GDPD5: variants seen among roughly 807,000 people sequenced by gnomAD.
The protein encoded by GDPD5 is glycerophosphodiester phosphodiesterase 2.
Under a neutral mutation model 75.1 loss-of-function variants are expected in GDPD5, and 48 were observed. That is an observed-to-expected ratio of 0.64 (90% CI 0.51 to 0.81). The LOEUF (loss-of-function observed/expected upper bound fraction) is 0.81, where lower values mean the gene tolerates loss of function less well. GDPD5 is among the 40% of genes least tolerant of loss of function. GDPD5 has a pLI of 0.00. For missense variants in GDPD5, 706 were observed against 822.6 expected (o/e 0.86, Z 1.73); for synonymous variants, 336 against 339.0 (o/e 0.99, Z 0.10).
chr11:75,503,355 G>T (rs773139195), intron 1 of GDPD5, among the ~76,000 whole-genome samples: 1 of 152,126 alleles, frequency 6.6e-6, no homozygotes, highest in Non-Finnish European at 1.5e-5. Flanking sequence ...TAAATTTTGG[G>T]GTCATTTGTT....
At chr11:75,439,818 G>A in intron 15 of GDPD5, 61 bp downstream of exon 15, 1 of 1,354,734 alleles carries the variant, frequency 7.4e-7, no homozygotes, top group East Asian at 2.3e-5. Context: ...ACCTGGCTGG[G>A]GTGGGGGCTG....
chr11:75,482,290 T>C (rs187451833), intron 2 of GDPD5, among the ~76,000 whole-genome samples: 2 of 152,260 alleles, frequency 1.3e-5, no homozygotes, highest in Admixed American at 6.5e-5. Context: ...TGTTCATAAG[T>C]GTAGGGGATT....
rs145963134 is a variant in GDPD5, at chr11:75,447,208, A to T, written c.714+1769T>A. Among the ~76,000 whole-genome samples the T allele has an allele frequency of 4.2e-3, 644 of 152,334 alleles. 6 individuals carry two copies. Among genetic ancestry groups the T allele is most frequent in the African/African-American group, 0.015 (619 of 41,574 alleles). ...GGGGGATTGTTACAAATCAAAAGGC[A>T]CTCAGGAGACACGCCAACCAGATGC... On this transcript the variant is annotated intron_variant, in intron 9 of 16. Transcript: ENST00000336898.
intron 13 of GDPD5, 120 bp downstream of exon 13, chr11:75,441,526 C>A: frequency 8.5e-7 from 1 of 1,183,416 alleles, no homozygotes; most frequent in Non-Finnish European, 1.2e-6. Flanking sequence ...CTCTGTGTGC[C>A]CATCCCTCTG....
chr11:75,462,778 C>T lies in GDPD5; in HGVS notation c.221+8G>A, dbSNP rs760558755. 3.1e-6 allele frequency: 5 copies of T among 1,609,946 alleles called. No individual in the cohort carries two copies. The East Asian group carries it at 1.1e-4, about 36-fold the overall frequency. On this transcript the variant is annotated splice_region_variant and intron_variant, in intron 4 of 16. Transcript: ENST00000336898. ...CCCCTTCCTCCCCCACCCACTGCCC[C>T]TACTCACCAGTTGAATTCATCATAG...
chr11:75,494,182 C>T (rs1162526468), intron 1 of GDPD5, among the ~76,000 whole-genome samples: 1 of 148,850 alleles, frequency 6.7e-6, no homozygotes, highest in Non-Finnish European at 1.5e-5. Flanking sequence ...ATAAATTTTC[C>T]TATGTTTATA....
chr11:75,507,541 T>C (rs920056826), intron 1 of GDPD5, among the ~76,000 whole-genome samples: 34 of 152,360 alleles, frequency 2.2e-4, no homozygotes, highest in African/African-American at 7.5e-4. Context: ...GAGCCTTCTC[T>C]ACATTCCTCC....
chr11:75,501,523 C>T lies in GDPD5; in HGVS notation c.-144-11203G>A, dbSNP rs543219326. ...GAAACAGGGACTCGGGCCATGGCCT[C>T]GCTCAGAGTCACCTGCTCCAGGGGT... On this transcript the variant is annotated intron_variant, in intron 1 of 16. Coordinates refer to ENST00000336898, the MANE Select transcript of GDPD5 (RefSeq NM_030792.8). Among the ~76,000 whole-genome samples, 26 of 152,340 alleles carry T rather than the reference C, an allele frequency of 1.7e-4. No homozygotes were observed. In the South Asian group the frequency reaches 3.5e-3, roughly 21 times the overall value.
At chr11:75,481,180 G>A (rs1030567534) in intron 2 of GDPD5, among the ~76,000 whole-genome samples, 1 of 152,172 alleles carries the variant, frequency 6.6e-6, no homozygotes, top group Non-Finnish European at 1.5e-5. Flanking sequence ...GCCAAGGCTT[G>A]GTAGATGAGC....
intron 4 of GDPD5, among the ~76,000 whole-genome samples, chr11:75,458,396 A>G (rs973776828): frequency 6.6e-6 from 1 of 152,222 alleles, no homozygotes; most frequent in African/African-American, 2.4e-5. Context: ...TTTTGAAGCC[A>G]GGTGTGGTGG....
In GDPD5 at chr11:75,442,520, T is replaced by C; in HGVS notation, c.1010A>G (p.Gln337Arg). 1 of 1,614,054 alleles carries C rather than the reference T, an allele frequency of 6.2e-7. No homozygotes were observed. Among genetic ancestry groups the C allele is most frequent in the Non-Finnish European group, 8.5e-7 (1 of 1,180,010 alleles). The part of the protein sequence containing the change: ...SPSDHREAQN[Q>R]SICSLAELLE... The stretch of plus-strand genomic sequence containing the variant: ...GAGCTCTGCCAGGCTGCAGATGGAC[T>C]GGTTCTGGGCCTCTCTGTGGTCGGA... The change falls in exon 12 of 17, where the codon CAG becomes CGG. Residue 337 changes from glutamine (Q) to arginine (R), a missense_variant. By Grantham distance (43) the Gln-to-Arg change is conservative. Coordinates refer to ENST00000336898, the MANE Select transcript of GDPD5 (RefSeq NM_030792.8).
In GDPD5 at chr11:75,436,997, A is replaced by G. The variant is rs1304032606; in HGVS notation, c.1608T>C (p.Ser536=). ...RSYNPEQIML[S]AAVRRTSRDV... ...CCCGGCTGGTCCGGCGCACCGCAGC[A>G]CTCAGCATGATCTGCTCAGGGTTGT... Residue 536 remains serine, a synonymous_variant, in exon 16 of 17, where the codon AGT becomes AGC. Transcript: ENST00000336898. 2 of 1,613,444 alleles carry G rather than the reference A, an allele frequency of 1.2e-6. No individual in the cohort carries two copies. Among genetic ancestry groups the G allele is most frequent in the South Asian group, 2.2e-5 (2 of 91,080 alleles).
intron 1 of GDPD5, among the ~76,000 whole-genome samples, chr11:75,496,781 T>TTCTTTC (rs1479396434): frequency 1.5e-5 from 2 of 135,798 alleles, no homozygotes; most frequent in African/African-American, 5.5e-5. Context: ...CTTTCTTTCT[T>TTCTTTC]TTTTTTTTTT....
At chr11:75,492,467 T>C (rs1439165493) in intron 1 of GDPD5, 1 of 152,320 alleles carries the variant, frequency 6.6e-6, no homozygotes, top group African/African-American at 2.4e-5. Flanking sequence ...CTGGAGCAGA[T>C]GGCTTAGTAG....
chr11:75,449,157 G>T, intron 8 of GDPD5, 35 bp from the exon 9 acceptor site: 1 of 1,546,604 alleles, frequency 6.5e-7, no homozygotes. Context: ...TGCCTGGTGA[G>T]CCCTGGGCAG....
intron 1 of GDPD5, among the ~76,000 whole-genome samples, chr11:75,521,121 C>A (rs746452951): frequency 3.3e-5 from 5 of 152,204 alleles, no homozygotes; most frequent in Non-Finnish European, 7.3e-5. Flanking sequence ...CAGAACCCAC[C>A]CTGCTCCCCA....
chr11:75,442,920 T>C, intron 11 of GDPD5: 1 of 632,942 alleles, frequency 1.6e-6, no homozygotes, highest in Non-Finnish European at 2.8e-6. Context: ...CTGTCAACCT[T>C]TTCTAGTGAG....
chr11:75,443,204 G>T lies in GDPD5; in HGVS notation c.880C>A (p.Arg294Ser). ...NVEEEFPELA[R>S]RPASMLNWTT... ...CAGTTAAGCATGGAGGCAGGCCTGC[G>T]GGCCAGCTCCGGGAACTCCTCCTCC... is the stretch of plus-strand genomic sequence containing the variant. Residue 294 changes from arginine to serine, a missense_variant, in exon 11 of 17, where the codon CGC becomes AGC. Arg to Ser is a moderately radical substitution (Grantham distance 110). Transcript: ENST00000336898. 1 of 1,604,836 alleles carries T rather than the reference G, an allele frequency of 6.2e-7. No homozygotes were observed. The highest frequency in any genetic ancestry group is 8.5e-7 in the Non-Finnish European group (1 of 1,176,490).
At chr11:75,439,796 A>G (rs1276248583) in intron 15 of GDPD5, 83 bp downstream of exon 15, 24 of 1,134,930 alleles carry the variant, frequency 2.1e-5, no homozygotes, top group Non-Finnish European at 3.1e-5. Flanking sequence ...CCCAGGGCTC[A>G]GGAGAGGGTT....
Sources: allele counts gnomAD v4.1 joint callset (sites outside exome capture counted in the v4.1 genomes callset), GRCh38; gene constraint gnomAD v4.1.1; transcripts MANE v1.5; gene names NCBI Gene and HGNC (gene_info 2026-07-23, HGNC 2026-07-21).